Variants in CD55 observed in about 807,000 individuals in gnomAD.
CD55 encodes CD55 molecule (Cromer blood group).
In CD55, 41 loss-of-function variants were observed where a neutral mutation model predicts 45.8. The observed-to-expected ratio is 0.90, with a 90% CI of 0.70 to 1.16. The LOEUF is 1.16. CD55 is among the 50% of genes most tolerant of loss of function. The probability of loss-of-function intolerance (pLI) is 0.00; values close to 1 mark genes in which losing one functional copy is unlikely to be tolerated. For missense variants in CD55, 416 were observed against 469.8 expected, an observed-to-expected ratio of 0.89 and a Z score of 1.06; for synonymous variants, 181 against 181.1, an observed-to-expected ratio of 1.00 and a Z score of 0.01.
chr1:207,346,006 C>T (rs1468240062), intron 9 of CD55, among the ~76,000 whole-genome samples: 1 of 152,206 alleles, frequency 6.6e-6, no homozygotes, highest in Non-Finnish European at 1.5e-5. Flanking sequence ...TTGCTGGCAC[C>T]AGTGTTAGCA....
intron 4 of CD55, 30 bp from the exon 5 acceptor site, chr1:207,326,722 A>G: frequency 6.5e-7 from 1 of 1,545,230 alleles, no homozygotes; most frequent in African/African-American, 1.4e-5. Context: ...TGAATGTAAC[A>G]AACTCTTTTT....
intron 9 of CD55, chr1:207,350,011 T>G: frequency 2.4e-6 from 1 of 415,436 alleles, no homozygotes; most frequent in Non-Finnish European, 4.7e-6. Flanking sequence ...TGGCGGCTCT[T>G]ATTATTTTGT....
intron 2 of CD55, among the ~76,000 whole-genome samples, chr1:207,323,406 A>C: frequency 6.6e-6 from 1 of 152,096 alleles, no homozygotes; most frequent in Non-Finnish European, 1.5e-5. Flanking sequence ...CTAACACAGT[A>C]ACCGTGTTTG....
intron 2 of CD55, among the ~76,000 whole-genome samples, chr1:207,323,863 C>T (rs967612202): frequency 5.3e-5 from 8 of 152,114 alleles, no homozygotes; most frequent in African/African-American, 1.4e-4. Context: ...CTTTTTATGG[C>T]GGAGGAGACA....
intron 5 of CD55, among the ~76,000 whole-genome samples, chr1:207,328,279 C>T (rs1654777165): frequency 6.6e-6 from 1 of 152,176 alleles, no homozygotes. Context: ...AGGAAAGAGC[C>T]CCTGTTCTTA....
chr1:207,339,451 G>T (rs774034891), intron 9 of CD55, 34 bp downstream of exon 9: 2 of 1,552,404 alleles, frequency 1.3e-6, no homozygotes, highest in South Asian at 2.3e-5. Context: ...AAAAGAAATT[G>T]TTTTCACTGT....
rs546006433 is a variant in CD55 at position 207,330,164 on chromosome 1, C to G, written c.665-944C>G. On this transcript the variant is annotated intron_variant, in intron 5 of 9. Coordinates refer to ENST00000367064, the MANE Select transcript of CD55 (RefSeq NM_000574.5). ...TGAACTGAACCAATGGTGTGTGTGT[C>G]TCTGCACACTCTAAGTTAGTGTAAA... Among the ~76,000 whole-genome samples the G allele has an allele frequency of 2.2e-4, 34 of 152,244 alleles. 1 individual carries two copies. The highest frequency in any genetic ancestry group is 6.7e-4 in the African/African-American group (28 of 41,554).
In CD55 at chr1:207,331,218, A is replaced by G. The variant is rs373182738; in HGVS notation, c.775A>G (p.Met259Val). Residue 259 changes from methionine to valine, a missense_variant, in exon 6 of 10, where the codon ATG becomes GTG. By Grantham distance (21) the Met-to-Val change is conservative. Around this residue, in one of 3 missense-constraint regions of CD55, gnomAD observed 182 missense variants for 201.4 expected, o/e 0.90. Coordinates refer to ENST00000367064, the MANE Select transcript of CD55 (RefSeq NM_000574.5). Reference protein sequence around the residue: ...VTYACNKGFTMIGEHSIYCTV... With the variant: ...VTYACNKGFTVIGEHSIYCTV... Reference sequence around the variant, plus strand: ...GTATGCATGTAATAAAGGATTCACCATGATTGGAGAGCACTCTATTTATTG... The same window carrying G: ...GTATGCATGTAATAAAGGATTCACCGTGATTGGAGAGCACTCTATTTATTG... 4.4e-5 allele frequency: 71 copies of G among 1,613,704 alleles called. No homozygotes were observed. The highest frequency in any genetic ancestry group is 2.2e-4 in the Admixed American group (13 of 60,002).
chr1:207,337,231 G>A (rs1170650329), intron 7 of CD55, 98 bp from the exon 8 acceptor site: 14 of 792,476 alleles, frequency 1.8e-5, no homozygotes, highest in African/African-American at 1.4e-4. Context: ...TTGCATTTAC[G>A]CAGAGTCCTT....
chr1:207,332,418 A>AT (rs1367473830), intron 6 of CD55, among the ~76,000 whole-genome samples: 20 of 152,184 alleles, frequency 1.3e-4, no homozygotes, highest in African/African-American at 4.3e-4. Context: ...TTTATAACAA[A>AT]GGTATGTGAA....
chr1:207,339,187 G>A (rs1248524658), intron 8 of CD55, among the ~76,000 whole-genome samples: 1 of 152,028 alleles, frequency 6.6e-6, no homozygotes, highest in Non-Finnish European at 1.5e-5. Flanking sequence ...TGTTGATTCT[G>A]TTGAACAGGT....
At chr1:207,340,626 C>G in intron 9 of CD55, 1 of 671,144 alleles carries the variant, frequency 1.5e-6, no homozygotes. Flanking sequence ...TCCGGCCTCC[C>G]AAAACGTTGC....
At chr1:207,358,450 C>T (rs1022179678) in intron 9 of CD55, 14 of 152,192 alleles carry the variant, frequency 9.2e-5, no homozygotes, top group African/African-American at 2.6e-4. Flanking sequence ...TGCCTGACTT[C>T]GTTTTTTGAT....
chr1:207,336,608 A>G, intron 6 of CD55, 85 bp from the exon 7 acceptor site: 1 of 1,462,830 alleles, frequency 6.8e-7, no homozygotes, highest in Non-Finnish European at 9.4e-7. Flanking sequence ...GAGAGAAAGG[A>G]TAGCCACAGA....
rs1332705524 is a variant in CD55 at position 207,360,922 on chromosome 1, A to C, written c.*1312A>C. 1 of 152,186 alleles carries C rather than the reference A, an allele frequency of 6.6e-6. No homozygotes were observed. Among genetic ancestry groups the C allele is most frequent in the East Asian group, 1.9e-4 (1 of 5,202 alleles). The allele number at this position is 152,186 out of a possible 1,614,324, so 9.4% of individuals were successfully genotyped here. On this transcript the variant is annotated 3_prime_UTR_variant, in exon 10 of 10. Transcript: ENST00000367064. ...ACGTTCATGGCATTTCACTGTAAAG[A>C]CTTTAATGTGTATTTCTTAAAATAA... is the stretch of plus-strand genomic sequence containing the variant.
At chr1:207,336,017 G>A (rs1264131949) in intron 6 of CD55, among the ~76,000 whole-genome samples, 1 of 152,064 alleles carries the variant, frequency 6.6e-6, no homozygotes, top group East Asian at 1.9e-4. Flanking sequence ...CCTCAACAGG[G>A]GACTTTGTAT....
intron 9 of CD55, among the ~76,000 whole-genome samples, chr1:207,356,872 C>T (rs944089454): frequency 1.3e-5 from 2 of 152,108 alleles, no homozygotes; most frequent in Non-Finnish European, 2.9e-5. Context: ...TGATTTAAAT[C>T]GACCCTCTTC....
intron 9 of CD55, among the ~76,000 whole-genome samples, chr1:207,344,485 T>C (rs1378371636): frequency 6.6e-6 from 1 of 152,152 alleles, no homozygotes; most frequent in Admixed American, 6.5e-5. Flanking sequence ...TTCTCCTTCA[T>C]TTATGAAGGA....
chr1:207,356,500 C>T (rs1334479873), intron 9 of CD55, among the ~76,000 whole-genome samples: 1 of 151,944 alleles, frequency 6.6e-6, no homozygotes, highest in Non-Finnish European at 1.5e-5. Context: ...TAGTGTTGCA[C>T]AGAAGCAAAG....
Sources: gnomAD v4.1 joint callset for allele counts (sites outside exome capture counted in the v4.1 genomes callset) on GRCh38, gnomAD v4.1.1 for gene constraint, gnomAD v4.1.1 regional missense constraint, MANE v1.5 for transcripts, NCBI Gene and HGNC (gene_info 2026-07-23, HGNC 2026-07-21) for gene names.